Variants in SV2B observed in about 807,000 individuals in gnomAD.
SV2B encodes synaptic vesicle glycoprotein 2B, also known as solute carrier family 22 member B2.
In SV2B, 41 loss-of-function variants were observed where a neutral mutation model predicts 73.9. The ratio of observed to expected loss-of-function variants is 0.56; its 90% CI spans 0.43 to 0.72. SV2B has a LOEUF of 0.72. SV2B is among the 30% of genes least tolerant of loss of function. SV2B has a pLI of 0.00. For synonymous variants in SV2B, 314 were observed against 314.2 expected (o/e 1.00, Z 0.01); for missense variants, 764 against 857.8 (o/e 0.89, Z 1.37).
rs369686891 is a variant in SV2B, at chr15:91,150,178, AT to A, written c.-392+49823del. 2.0e-5 allele frequency among the ~76,000 whole-genome samples: 3 copies of A among 151,308 alleles called. No homozygotes were observed. The East Asian group carries it at 5.8e-4, about 29-fold the overall frequency. On this transcript the variant is annotated intron_variant, in intron 1 of 12. Transcript: ENST00000394232. ...CCACCACGCCCAGCCAATTTTTTGT[AT>A]TTTTTTTAGAAGAGATGGTGTTTTG... is the stretch of plus-strand genomic sequence containing the variant.
chr15:91,144,419 T>TC (rs1487946643), intron 1 of SV2B, among the ~76,000 whole-genome samples: 4 of 152,254 alleles, frequency 2.6e-5, no homozygotes, highest in Middle Eastern at 3.4e-3. Context: ...TTCATGATTT[T>TC]TTTTTAAAAA....
rs141235525 is a variant in SV2B at position 91,267,950 on chromosome 15, G to A, written c.1208+307G>A. On this transcript the variant is annotated intron_variant, in intron 8 of 12. Coordinates refer to ENST00000394232, the MANE Select transcript of SV2B (RefSeq NM_001323032.3). This position sits in a 1 kb window ranked among gnomAD's most constrained non-coding sequence, Gnocchi z 4.3. ...CCCCAGTTGCTGGGACTACAGATGTGTGCCACCACACCTGGATAATTTTTG... is the reference window on the plus strand; with the variant it reads ...CCCCAGTTGCTGGGACTACAGATGTATGCCACCACACCTGGATAATTTTTG... Among the ~76,000 whole-genome samples, 2 of 152,112 alleles carry A rather than the reference G, an allele frequency of 1.3e-5. No individual in the cohort carries two copies. The highest frequency in any genetic ancestry group is 2.9e-5 in the Non-Finnish European group (2 of 68,004).
chr15:91,289,393 T>TA lies in SV2B; in HGVS notation c.1709-126dup. The TA allele has an allele frequency of 8.3e-7, 1 of 1,199,792 alleles. No homozygotes were observed. Among genetic ancestry groups the TA allele is most frequent in the Admixed American group, 1.8e-5 (1 of 56,996 alleles). The allele number at this position is 1,199,792 out of a possible 1,614,324, so 74.3% of individuals were successfully genotyped here. ...GCTCTCTCTGTGTGGAGGGTGAACCTAATACTTCAGGCAGCCTTGGCTTCA... is the reference window on the plus strand; with the variant it reads ...GCTCTCTCTGTGTGGAGGGTGAACCTAAATACTTCAGGCAGCCTTGGCTTCA... On this transcript the variant is annotated intron_variant, in intron 11 of 12. Transcript: ENST00000394232. This position sits in a 1 kb window ranked among gnomAD's most constrained non-coding sequence, Gnocchi z 4.9.
intron 1 of SV2B, among the ~76,000 whole-genome samples, chr15:91,169,828 T>C (rs1010161663): frequency 1.3e-5 from 2 of 152,140 alleles, no homozygotes; most frequent in African/African-American, 4.8e-5. Context: ...CCAGTTGAGC[T>C]GAGATATGAG....
chr15:91,113,615 G>A (rs1175090327), intron 1 of SV2B, among the ~76,000 whole-genome samples: 1 of 152,094 alleles, frequency 6.6e-6, no homozygotes, highest in Non-Finnish European at 1.5e-5. Flanking sequence ...TTTTTCCCGC[G>A]ATGAATATAC....
intron 12 of SV2B, among the ~76,000 whole-genome samples, chr15:91,291,785 G>C (rs1045291767): frequency 6.6e-6 from 1 of 152,168 alleles, no homozygotes; most frequent in African/African-American, 2.4e-5. Flanking sequence ...AAGAATGAAG[G>C]GGAACAGAGC....
chr15:91,145,633 A>T (rs1409270200), intron 1 of SV2B, among the ~76,000 whole-genome samples: 1 of 152,172 alleles, frequency 6.6e-6, no homozygotes, highest in African/African-American at 2.4e-5. Context: ...CTTTTTCTCT[A>T]CAACCTCAGC....
At position 91,225,979 on chromosome 15, in the gene SV2B, C is replaced by G. The variant is rs2046362321; in HGVS notation, c.-285C>G. The G allele has an allele frequency of 6.9e-6, 3 of 434,816 alleles. No homozygotes were observed. Among genetic ancestry groups the G allele is most frequent in the Non-Finnish European group, 1.2e-5 (3 of 243,256 alleles). 26.9% of individuals were successfully genotyped at this position (434,816 alleles called of 1,614,324 possible). The stretch of plus-strand genomic sequence containing the variant: ...TGGATCCATTTCTAATCAACACTTC[C>G]CAACGCAACACTTCTGAGTCTCTGA... On this transcript the variant is annotated 5_prime_UTR_variant, in exon 2 of 13. Coordinates refer to ENST00000394232, the MANE Select transcript of SV2B (RefSeq NM_001323032.3).
intron 1 of SV2B, among the ~76,000 whole-genome samples, chr15:91,131,885 C>T (rs989321110): frequency 9.2e-5 from 14 of 152,212 alleles, no homozygotes; most frequent in African/African-American, 2.9e-4. Context: ...ATTGCTTGAA[C>T]GTGGGAGGCA....
intron 1 of SV2B, among the ~76,000 whole-genome samples, chr15:91,155,085 C>T (rs1286114274): frequency 6.6e-6 from 1 of 152,154 alleles, no homozygotes; most frequent in African/African-American, 2.4e-5. Flanking sequence ...TGGCCCCATC[C>T]CTGGGACTCT....
rs915512762 is a variant in SV2B at position 91,289,988 on chromosome 15, A to G, written c.1868+308A>G. On this transcript the variant is annotated intron_variant, in intron 12 of 12. Coordinates refer to ENST00000394232, the MANE Select transcript of SV2B (RefSeq NM_001323032.3). The surrounding 1 kb of genome is among the most constrained non-coding windows in gnomAD (Gnocchi z 4.9). ...ATGTGTCATGTAATCCACAAGAGAG[A>G]ACAGACCTTCAAGGGGAGATAAGGC... 1.4e-4 allele frequency among the ~76,000 whole-genome samples: 22 copies of G among 152,304 alleles called. No individual in the cohort carries two copies. The highest frequency in any genetic ancestry group is 3.4e-3 in the Middle Eastern group (1 of 294).
chr15:91,276,791 ATATTAT>A (rs2048502381), intron 9 of SV2B, among the ~76,000 whole-genome samples: 1 of 120,698 alleles, frequency 8.3e-6, no homozygotes, highest in Non-Finnish European at 1.7e-5. Context: ...TCCAGTATTT[ATATTAT>A]TGTTGTTGTT....
At chr15:91,262,178 T>A in intron 6 of SV2B, among the ~76,000 whole-genome samples, 1 of 152,178 alleles carries the variant, frequency 6.6e-6, no homozygotes, top group Admixed American at 6.5e-5. Context: ...TCTCTGTGCC[T>A]CATTTTTCTC....
At chr15:91,251,497 A>G (rs1457451869) in intron 2 of SV2B, among the ~76,000 whole-genome samples, 2 of 152,212 alleles carry the variant, frequency 1.3e-5, no homozygotes, top group Non-Finnish European at 2.9e-5. Context: ...TTGCAACACA[A>G]AGACTTTCCT....
At chr15:91,256,656 A>G (rs191995812) in intron 4 of SV2B, among the ~76,000 whole-genome samples, 3 of 152,202 alleles carry the variant, frequency 2.0e-5, no homozygotes, top group African/African-American at 7.2e-5. Context: ...CCTCAGTGAG[A>G]TGATAAGAGA....
chr15:91,180,523 A>G (rs921986550), intron 1 of SV2B, among the ~76,000 whole-genome samples: 3 of 152,158 alleles, frequency 2.0e-5, no homozygotes, highest in Non-Finnish European at 2.9e-5. Context: ...CGTCACTTTC[A>G]GGTAACCAAT....
At position 91,293,304 on chromosome 15, in the gene SV2B, A is replaced by G. The variant is rs929219646; in HGVS notation, c.*752A>G. 2.0e-5 allele frequency: 3 copies of G among 152,354 alleles called. No individual in the cohort carries two copies. The highest frequency in any genetic ancestry group is 7.2e-5 in the African/African-American group (3 of 41,578). 9.4% of individuals were successfully genotyped at this position (152,354 alleles called of 1,614,324 possible). ...ATTTCCACAACTGGTATCTGCAAAT[A>G]TTGCCAGCATTTTAGCCATATTTTG... On this transcript the variant is annotated 3_prime_UTR_variant, in exon 13 of 13. Coordinates refer to ENST00000394232, the MANE Select transcript of SV2B (RefSeq NM_001323032.3).
intron 1 of SV2B, among the ~76,000 whole-genome samples, chr15:91,179,813 T>C (rs1445348399): frequency 4.6e-5 from 7 of 152,188 alleles, no homozygotes; most frequent in African/African-American, 1.7e-4. Flanking sequence ...GTTTCCTGAA[T>C]ACAGCACACT....
intron 1 of SV2B, among the ~76,000 whole-genome samples, chr15:91,178,239 A>G (rs922474179): frequency 6.6e-6 from 1 of 151,594 alleles, no homozygotes; most frequent in East Asian, 1.9e-4. Context: ...CCAGGGATGA[A>G]GCCCACTTGA....
Sources: gnomAD v4.1 joint callset for allele counts (sites outside exome capture counted in the v4.1 genomes callset) on GRCh38, gnomAD v4.1.1 for gene constraint, Gnocchi (gnomAD v3.1) non-coding constraint, MANE v1.5 for transcripts, NCBI Gene and HGNC (gene_info 2026-07-23, HGNC 2026-07-21) for gene names.